Variants in TOP6BL observed in about 807,000 individuals in gnomAD.
TOP6BL encodes TOP6B like initiator of meiotic double strand breaks, also known as type 2 DNA topoisomerase 6 subunit B-like.
At chr11:66,791,610 T>C in the TOP6BL span, among the ~76,000 whole-genome samples, 1 of 152,200 alleles carries the variant, frequency 6.6e-6, no homozygotes, top group African/African-American at 2.4e-5. Context: ...TTCTGTCATA[T>C]AATTAGACAT....
chr11:66,763,724 C>T, the TOP6BL span, among the ~76,000 whole-genome samples: 2 of 152,108 alleles, frequency 1.3e-5, no homozygotes, highest in African/African-American at 4.8e-5. Flanking sequence ...CCAGCCTCAG[C>T]CTCTTGAGTA....
At chr11:66,835,817 C>T in the TOP6BL span, among the ~76,000 whole-genome samples, 3 of 152,140 alleles carry the variant, frequency 2.0e-5, no homozygotes, top group African/African-American at 7.2e-5. Context: ...TTGATGAACA[C>T]AAGTTTTTTC....
the TOP6BL span, chr11:66,838,293 C>A: frequency 7.5e-7 from 1 of 1,341,306 alleles, no homozygotes; most frequent in Admixed American, 1.8e-5. Context: ...GTGAAGCCAC[C>A]AGGCACACTC....
chr11:66,764,449 T>G, the TOP6BL span, among the ~76,000 whole-genome samples: 2 of 142,810 alleles, frequency 1.4e-5, no homozygotes, highest in South Asian at 4.4e-4. Context: ...GTCAGGAGTT[T>G]AAACCAGCCT....
the TOP6BL span, among the ~76,000 whole-genome samples, chr11:66,783,256 G>A: frequency 6.6e-6 from 1 of 152,170 alleles, no homozygotes; most frequent in Admixed American, 6.5e-5. Flanking sequence ...CTAGTGAGTT[G>A]GGAGGCTGAG....
chr11:66,814,995 C>G, the TOP6BL span, among the ~76,000 whole-genome samples: 2 of 152,144 alleles, frequency 1.3e-5, no homozygotes, highest in African/African-American at 2.4e-5. Flanking sequence ...ACTGTTCTAA[C>G]TAGAATCCTT....
the TOP6BL span, among the ~76,000 whole-genome samples, chr11:66,798,631 TA>T: frequency 1.5e-5 from 2 of 135,462 alleles, no homozygotes; most frequent in Non-Finnish European, 3.1e-5. Flanking sequence ...AGTTAAGGGA[TA>T]GGGGTTGAGA....
the TOP6BL span, among the ~76,000 whole-genome samples, chr11:66,824,854 T>C: frequency 2.0e-5 from 3 of 151,998 alleles, no homozygotes; most frequent in Admixed American, 1.3e-4. Flanking sequence ...CATTGTTGGA[T>C]ATTTGGGTTG....
chr11:66,747,824 T>C, the TOP6BL span, among the ~76,000 whole-genome samples: 1 of 150,366 alleles, frequency 6.7e-6, no homozygotes, highest in Non-Finnish European at 1.5e-5. Context: ...CTGCGTATGT[T>C]GTCCAGGCTG....
the TOP6BL span, chr11:66,813,895 C>T: frequency 2.5e-6 from 4 of 1,613,968 alleles, no homozygotes; most frequent in Non-Finnish European, 3.4e-6. Flanking sequence ...GGGTCTGCCT[C>T]TGATATTGTC....
At chr11:66,748,278 G>A in the TOP6BL span, 1 of 916,362 alleles carries the variant, frequency 1.1e-6, no homozygotes, top group South Asian at 2.2e-5. Flanking sequence ...TACAATTTTT[G>A]GGGGGAAATT....
chr11:66,843,358 G>T, the TOP6BL span: 7 of 1,427,786 alleles, frequency 4.9e-6, no homozygotes, highest in Non-Finnish European at 6.3e-6. Flanking sequence ...CGTCGGGCCC[G>T]GGCGGGGCGG....
chr11:66,773,088 CTT>C, the TOP6BL span, among the ~76,000 whole-genome samples: 3 of 151,998 alleles, frequency 2.0e-5, no homozygotes, highest in Non-Finnish European at 4.4e-5. Context: ...CTCTCTCTCT[CTT>C]TGAGACATGG....
At chr11:66,843,386 C>T in the TOP6BL span, 5 of 1,430,156 alleles carry the variant, frequency 3.5e-6, no homozygotes, top group African/African-American at 4.5e-5. Flanking sequence ...CGTGGAGCCG[C>T]GCCGCGGCCT....
At chr11:66,749,048 T>G in the TOP6BL span, among the ~76,000 whole-genome samples, 10 of 151,188 alleles carry the variant, frequency 6.6e-5, no homozygotes, top group East Asian at 3.9e-4. Context: ...TGTTAGCTTT[T>G]TGTGTGTGTG....
At chr11:66,748,550 CTT>C in the TOP6BL span, 7 of 1,484,346 alleles carry the variant, frequency 4.7e-6, no homozygotes, top group South Asian at 1.3e-5. Context: ...TTTTCTATCT[CTT>C]TTGTCATGGT....
At chr11:66,747,055 G>A in the TOP6BL span, among the ~76,000 whole-genome samples, 1 of 151,806 alleles carries the variant, frequency 6.6e-6, no homozygotes, top group African/African-American at 2.4e-5. Flanking sequence ...TCCTGCCTCA[G>A]CCTCCTAAGT....
chr11:66,805,467 GT>G, the TOP6BL span, among the ~76,000 whole-genome samples: 38 of 142,974 alleles, frequency 2.7e-4, no homozygotes, highest in Admixed American at 4.2e-4. Flanking sequence ...GGGCTTTTTT[GT>G]TTTTTTTTTT....
chr11:66,812,239 C>T, the TOP6BL span, among the ~76,000 whole-genome samples: 1 of 145,118 alleles, frequency 6.9e-6, no homozygotes, highest in Non-Finnish European at 1.5e-5. Context: ...TGCAGTGGCG[C>T]AATCTCGGCT....
Sources: allele counts gnomAD v4.1 joint callset (sites outside exome capture counted in the v4.1 genomes callset), GRCh38; gene constraint gnomAD v4.1.1; transcripts MANE v1.5; gene names NCBI Gene and HGNC (gene_info 2026-07-23, HGNC 2026-07-21).